CHMP3: variants seen among roughly 807,000 people sequenced by gnomAD.
The protein encoded by CHMP3 is 25.1 protein.
CHMP3 carries 8 observed loss-of-function variants against 27.4 expected under a neutral mutation model. The observed-to-expected ratio is 0.29, with a 90% CI of 0.17 to 0.53. CHMP3 has a LOEUF of 0.53. Among genes scored for constraint, CHMP3 ranks in the 20% least tolerant of loss-of-function variants. The pLI, the probability that CHMP3 is intolerant of heterozygous loss-of-function variation, is 0.96. For missense variants in CHMP3, 208 were observed against 271.5 expected, an observed-to-expected ratio of 0.77 and a Z score of 1.64; for synonymous variants, 86 against 85.5, an observed-to-expected ratio of 1.01 and a Z score of -0.03.
At chr2:86,536,424 T>G (rs1402706911) in intron 2 of CHMP3, among the ~76,000 whole-genome samples, 1 of 151,538 alleles carries the variant, frequency 6.6e-6, no homozygotes, top group East Asian at 1.9e-4. Context: ...CTCTTGCAAG[T>G]CAGGTCTAGC....
intron 3 of CHMP3, among the ~76,000 whole-genome samples, chr2:86,525,766 TA>T (rs1197143784): frequency 6.6e-6 from 1 of 151,906 alleles, no homozygotes; most frequent in Non-Finnish European, 1.5e-5. Flanking sequence ...TGCCAAAAAT[TA>T]AAATAAAAAA....
At position 86,521,937 on chromosome 2, in the gene CHMP3, C is replaced by T. The variant is rs77059793; in HGVS notation, c.286+7281G>A. Among the ~76,000 whole-genome samples the T allele has an allele frequency of 6.0e-3, 910 of 152,234 alleles. 25 individuals carry two copies. The East Asian group carries it at 0.079, about 13-fold the overall frequency. On this transcript the variant is annotated intron_variant, in intron 3 of 5. Transcript: ENST00000263856. ...TTTGAGTCCCTGCCTTCCATTCTTTCGGGTATATCTCAAAAGTGGAATAGC... is the reference window on the plus strand; with the variant it reads ...TTTGAGTCCCTGCCTTCCATTCTTTTGGGTATATCTCAAAAGTGGAATAGC...
rs932718886 is a variant in CHMP3, at chr2:86,505,946, G to T, written c.527C>A (p.Ala176Asp). The change falls in exon 6 of 6, where the codon GCC becomes GAC. Residue 176 changes from alanine to aspartate, a missense_variant. This residue lies in a region of CHMP3 where 62 missense variants were observed against 68.4 expected (regional missense o/e 0.91). Transcript: ENST00000263856. ...DRILFEITAG[A>D]LGKAPSKVTD... ...CACTTTACTGGGTGCTTTGCCCAAGGCCCCTGAAAAGAAAGAGCAAAGATG... is the reference window on the plus strand; with the variant it reads ...CACTTTACTGGGTGCTTTGCCCAAGTCCCCTGAAAAGAAAGAGCAAAGATG... The T allele has an allele frequency of 1.3e-6, 2 of 1,556,274 alleles. No individual in the cohort carries two copies. The highest frequency in any genetic ancestry group is 3.8e-5 in the Admixed American group (2 of 53,176).
chr2:86,559,316 C>A (rs557628455), intron 1 of CHMP3, among the ~76,000 whole-genome samples: 1 of 152,202 alleles, frequency 6.6e-6, no homozygotes. Context: ...CTAGGTTCTC[C>A]GGCCTTCAAC....
rs186216159 is a variant in CHMP3, at chr2:86,526,684, A to C, written c.286+2534T>G. 4.0e-3 allele frequency among the ~76,000 whole-genome samples: 592 copies of C among 149,594 alleles called. 7 individuals carry two copies. The South Asian group carries it at 0.043, about 11-fold the overall frequency. On this transcript the variant is annotated intron_variant, in intron 3 of 5. Transcript: ENST00000263856. ...ATGCTCTCTCTCTCTCTCTCTCTCT[A>C]TATATATATACACATACACATAGAT... is the stretch of plus-strand genomic sequence containing the variant.
intron 1 of CHMP3, among the ~76,000 whole-genome samples, chr2:86,560,816 G>C (rs916484741): frequency 2.0e-5 from 3 of 152,138 alleles, no homozygotes; most frequent in Non-Finnish European, 4.4e-5. Context: ...CCAATCATGG[G>C]GGAAGGCAAA....
At chr2:86,542,980 T>C (rs1026658814) in intron 1 of CHMP3, 14 of 152,234 alleles carry the variant, frequency 9.2e-5, no homozygotes, top group African/African-American at 3.4e-4. Context: ...CAATTAATCA[T>C]TAAAAGTCAA....
chr2:86,542,291 T>C lies in CHMP3; in HGVS notation c.67A>G (p.Ile23Val). 1.2e-6 allele frequency: 2 copies of C among 1,613,604 alleles called. No individual in the cohort carries two copies. Among genetic ancestry groups the C allele is most frequent in the South Asian group, 2.2e-5 (2 of 91,070 alleles). The change falls in exon 2 of 6, where the codon ATA (isoleucine) becomes GTA (valine). Residue 23 changes from isoleucine (I) to valine (V), a missense_variant. By Grantham distance (29) the Ile-to-Val change is conservative. Transcript: ENST00000263856. ...KELVNEWSLK[I>V]RKEMRVVDRQ... ...TCAACAACTCTCATTTCCTTTCTTA[T>C]CTTCAATGACCACTCATTGACCTGG... is the stretch of plus-strand genomic sequence containing the variant.
chr2:86,530,079 C>T (rs1273146068), intron 2 of CHMP3, among the ~76,000 whole-genome samples: 1 of 152,046 alleles, frequency 6.6e-6, no homozygotes, highest in Non-Finnish European at 1.5e-5. Context: ...ACTGCAACCT[C>T]CACCTCCCGG....
intron 3 of CHMP3, among the ~76,000 whole-genome samples, chr2:86,515,488 A>G (rs1439329215): frequency 2.0e-5 from 3 of 151,970 alleles, no homozygotes; most frequent in East Asian, 3.9e-4. Flanking sequence ...ATGCCAGCTA[A>G]TTTTGTATTT....
At chr2:86,516,953 C>T (rs1005940001) in intron 3 of CHMP3, among the ~76,000 whole-genome samples, 14 of 152,088 alleles carry the variant, frequency 9.2e-5, no homozygotes, top group Non-Finnish European at 1.2e-4. Flanking sequence ...TTGATTGCAT[C>T]GATGGCAATA....
intron 3 of CHMP3, among the ~76,000 whole-genome samples, chr2:86,523,437 A>G (rs568896914): frequency 1.3e-5 from 2 of 152,156 alleles, no homozygotes; most frequent in South Asian, 4.1e-4. Context: ...TTTTTATTAT[A>G]TTTCTTCAAT....
intron 3 of CHMP3, among the ~76,000 whole-genome samples, chr2:86,524,979 A>T (rs142042470): frequency 6.6e-6 from 1 of 152,340 alleles, no homozygotes; most frequent in Non-Finnish European, 1.5e-5. Context: ...CTACACAAAC[A>T]CATCCTCTAC....
At chr2:86,513,881 A>G (rs1025469277) in intron 3 of CHMP3, among the ~76,000 whole-genome samples, 1 of 152,218 alleles carries the variant, frequency 6.6e-6, no homozygotes, top group African/African-American at 2.4e-5. Context: ...TAGTGCACAT[A>G]TGACTTAGAC....
rs147142909 is a variant in CHMP3 at position 86,514,218 on chromosome 2, T to C, written c.287-3739A>G. On this transcript the variant is annotated intron_variant, in intron 3 of 5. Coordinates refer to ENST00000263856, the MANE Select transcript of CHMP3 (RefSeq NM_016079.4). ...ACCAGCTCGAAGCAGGGACAGGCAATGAGAGGTGAAAGAGGCCTAGTTCCA... is the reference window on the plus strand; with the variant it reads ...ACCAGCTCGAAGCAGGGACAGGCAACGAGAGGTGAAAGAGGCCTAGTTCCA... Among the ~76,000 whole-genome samples the C allele has an allele frequency of 4.9e-4, 75 of 152,260 alleles. 1 individual carries two copies. In the East Asian group the frequency reaches 0.014, roughly 27 times the overall value.
intron 4 of CHMP3, among the ~76,000 whole-genome samples, 191 bp from the exon 5 acceptor site, chr2:86,507,784 C>T (rs368134163): frequency 1.1e-4 from 16 of 152,252 alleles, no homozygotes; most frequent in Non-Finnish European, 1.6e-4. Context: ...CAAAGGGAAA[C>T]GGCTCTCTAA....
chr2:86,563,195 G>A (rs1006331821), intron 1 of CHMP3, 109 bp downstream of exon 1: 3 of 1,348,238 alleles, frequency 2.2e-6, no homozygotes, highest in Non-Finnish European at 2.1e-6. Flanking sequence ...GGAAATGGGG[G>A]CCGGGCGGTA....
chr2:86,559,784 A>G (rs1263818681), intron 1 of CHMP3, among the ~76,000 whole-genome samples: 2 of 152,216 alleles, frequency 1.3e-5, no homozygotes, highest in African/African-American at 2.4e-5. Flanking sequence ...ATCCTACTAA[A>G]TAGTCAAGAA....
intron 1 of CHMP3, among the ~76,000 whole-genome samples, chr2:86,550,236 C>T (rs191696196): frequency 2.0e-5 from 3 of 152,302 alleles, no homozygotes; most frequent in East Asian, 1.9e-4. Flanking sequence ...ACCAGTCAGG[C>T]GTGGCGGCGC....
Sources: allele counts gnomAD v4.1 joint callset (sites outside exome capture counted in the v4.1 genomes callset), GRCh38; gene constraint gnomAD v4.1.1; regional missense constraint gnomAD v4.1.1; transcripts MANE v1.5; gene names NCBI Gene and HGNC (gene_info 2026-07-23, HGNC 2026-07-21).